Variants in MTUS2 observed in about 807,000 individuals in gnomAD.
MTUS2 encodes the protein microtubule associated scaffold protein 2.
MTUS2 carries 40 observed loss-of-function variants against 114.1 expected under a neutral mutation model. That is an observed-to-expected ratio of 0.35 (90% CI 0.27 to 0.46). The LOEUF is 0.46. Among genes scored for constraint, MTUS2 ranks in the 20% least tolerant of loss-of-function variants. The pLI is 1.00. For synonymous variants in MTUS2, 688 were observed against 672.0 expected (o/e 1.02, Z -0.37); for missense variants, 1,679 against 1,705.4 (o/e 0.98, Z 0.27).
intron 7 of MTUS2, among the ~76,000 whole-genome samples, chr13:29,335,248 A>T (rs182659682): frequency 2.6e-5 from 4 of 152,292 alleles, no homozygotes; most frequent in Non-Finnish European, 4.4e-5. Flanking sequence ...GGTCGTAGAT[A>T]AGGGATGAAA....
chr13:29,099,768 G>C (rs1165199521), intron 4 of MTUS2, among the ~76,000 whole-genome samples: 3 of 152,190 alleles, frequency 2.0e-5, no homozygotes, highest in Non-Finnish European at 4.4e-5. Flanking sequence ...ACTACAGCAC[G>C]TGAGGAAGCT....
chr13:29,196,054 T>C (rs1215514859), intron 5 of MTUS2, among the ~76,000 whole-genome samples: 2 of 151,538 alleles, frequency 1.3e-5, no homozygotes, highest in Non-Finnish European at 2.9e-5. Context: ...ACAGAGGCTG[T>C]CAGAAAAATC....
At chr13:29,380,401 A>G (rs531868519) in intron 8 of MTUS2, among the ~76,000 whole-genome samples, 1 of 152,360 alleles carries the variant, frequency 6.6e-6, no homozygotes, top group Admixed American at 6.5e-5. Context: ...CACTTGCTTC[A>G]TCTTTAAAGA....
At chr13:28,865,706 G>A (rs1439110949) in intron 2 of MTUS2, among the ~76,000 whole-genome samples, 2 of 152,138 alleles carry the variant, frequency 1.3e-5, no homozygotes, top group Non-Finnish European at 2.9e-5. Context: ...TTGTCTGGGG[G>A]TATTTCTCTT....
chr13:28,959,916 A>T (rs1268699492), intron 2 of MTUS2, among the ~76,000 whole-genome samples: 4 of 152,212 alleles, frequency 2.6e-5, no homozygotes, highest in African/African-American at 9.6e-5. Flanking sequence ...CCAGAGCATT[A>T]TCAGTTTAAA....
chr13:28,934,101 A>C (rs573638949), intron 2 of MTUS2, among the ~76,000 whole-genome samples: 2 of 152,240 alleles, frequency 1.3e-5, no homozygotes, highest in African/African-American at 2.4e-5. Context: ...TCTCCTACCA[A>C]CTACCACAAT....
chr13:29,154,568 A>G (rs1892782960), intron 5 of MTUS2, among the ~76,000 whole-genome samples: 1 of 152,224 alleles, frequency 6.6e-6, no homozygotes, highest in Admixed American at 6.5e-5. Context: ...GGATTTCGGC[A>G]CAGCTAACAC....
At chr13:29,064,526 G>A (rs1372795100) in intron 4 of MTUS2, among the ~76,000 whole-genome samples, 3 of 151,662 alleles carry the variant, frequency 2.0e-5, no homozygotes, top group African/African-American at 7.3e-5. Flanking sequence ...GGCCAGTGAG[G>A]AAACTACTGT....
chr13:29,464,959 C>T (rs1050061303), intron 9 of MTUS2, among the ~76,000 whole-genome samples: 5 of 152,184 alleles, frequency 3.3e-5, no homozygotes, highest in Non-Finnish European at 7.4e-5. Flanking sequence ...CAGGATGATG[C>T]GGCAGTTAAA....
intron 5 of MTUS2, among the ~76,000 whole-genome samples, chr13:29,191,372 A>G (rs1894442758): frequency 6.6e-6 from 1 of 152,118 alleles, no homozygotes. Flanking sequence ...TACAGCTATA[A>G]AAACAATGAT....
chr13:28,844,663 C>A (rs1420898582), intron 2 of MTUS2, among the ~76,000 whole-genome samples: 2 of 151,984 alleles, frequency 1.3e-5, no homozygotes, highest in African/African-American at 4.8e-5. Context: ...GTAGCCCAAG[C>A]TGGAGTGCAG....
At chr13:29,481,372 C>G (rs532835341) in intron 10 of MTUS2, among the ~76,000 whole-genome samples, 1 of 152,244 alleles carries the variant, frequency 6.6e-6, no homozygotes, top group East Asian at 1.9e-4. Context: ...CCACCACCAC[C>G]CCCGCTTCCA....
At position 29,487,674 on chromosome 13, in the gene MTUS2, C is replaced by A. The variant is rs559751466; in HGVS notation, c.3400-226C>A. ...CTAAAGAGGTACCTCAGGCAGTGAT[C>A]CCCTGCCTGGAGTTGGACCCCCCTA... On this transcript the variant is annotated intron_variant, in intron 10 of 15. Coordinates refer to ENST00000612955, the MANE Select transcript of MTUS2 (RefSeq NM_001033602.4). 1.9e-3 allele frequency: 1,053 copies of A among 567,764 alleles called. 13 individuals carry two copies. The highest frequency in any genetic ancestry group is 2.1e-4 in the Non-Finnish European group (66 of 316,452). The allele number at this position is 567,764 out of a possible 1,614,324, so 35.2% of individuals were successfully genotyped here. A position where few individuals can be genotyped will look rare whatever the true frequency, so the allele number is the denominator to read the frequency against.
At chr13:29,088,083 G>T (rs2892432) in intron 4 of MTUS2, among the ~76,000 whole-genome samples, 97,642 of 144,842 alleles carry the variant, frequency 0.67, 32,836 homozygotes, top group Non-Finnish European at 0.75. Flanking sequence ...AAAAAAAAAA[G>T]AATTTTCTAA....
chr13:29,258,428 T>G (rs897956562), intron 5 of MTUS2, among the ~76,000 whole-genome samples: 1 of 152,194 alleles, frequency 6.6e-6, no homozygotes. Flanking sequence ...GCTTAGGTCA[T>G]CTCCCATTCT....
chr13:29,352,978 TAC>T (rs113448936), intron 7 of MTUS2, among the ~76,000 whole-genome samples: 1 of 152,172 alleles, frequency 6.6e-6, no homozygotes, highest in Non-Finnish European at 1.5e-5. Flanking sequence ...TTCTTAAATA[TAC>T]GAAATACATT....
intron 7 of MTUS2, among the ~76,000 whole-genome samples, chr13:29,340,369 G>C (rs1428646796): frequency 6.6e-6 from 1 of 152,206 alleles, no homozygotes; most frequent in African/African-American, 2.4e-5. Flanking sequence ...TGCTGTTTTT[G>C]ATCAGTGTGA....
chr13:29,280,774 TAATAG>T (rs1326912361), intron 5 of MTUS2, among the ~76,000 whole-genome samples: 1 of 152,188 alleles, frequency 6.6e-6, no homozygotes, highest in African/African-American at 2.4e-5. Context: ...CTCTCTGAAT[TAATAG>T]ATTAGCCTCA....
intron 5 of MTUS2, among the ~76,000 whole-genome samples, chr13:29,127,067 C>A (rs931725446): frequency 2.6e-5 from 4 of 152,212 alleles, no homozygotes; most frequent in African/African-American, 7.2e-5. Flanking sequence ...TACCCACATG[C>A]GTCTTGCTCA....
Sources: gnomAD v4.1 joint callset for allele counts (sites outside exome capture counted in the v4.1 genomes callset) on GRCh38, gnomAD v4.1.1 for gene constraint, MANE v1.5 for transcripts, NCBI Gene and HGNC (gene_info 2026-07-23, HGNC 2026-07-21) for gene names.